Variants in P4HTM observed in about 807,000 individuals in gnomAD.
The protein encoded by P4HTM is transmembrane prolyl 4-hydroxylase.
A neutral mutation model predicts 55.3 loss-of-function variants in P4HTM; 33 were observed. The ratio of observed to expected loss-of-function variants is 0.60; its 90% CI spans 0.45 to 0.80. The LOEUF is 0.80. Among genes scored for constraint, P4HTM ranks in the 30% least tolerant of loss-of-function variants. The probability of loss-of-function intolerance (pLI) is 0.00; values close to 1 mark genes in which losing one functional copy is unlikely to be tolerated. For missense variants in P4HTM, 542 were observed against 696.5 expected (o/e 0.78, Z 2.50); for synonymous variants, 272 against 286.4 (o/e 0.95, Z 0.51).
rs1259141235 is a variant in P4HTM, at chr3:49,002,313, C to T, written c.628-187C>T. On this transcript the variant is annotated intron_variant, in intron 3 of 8. Transcript: ENST00000383729. This position sits in a 1 kb window ranked among gnomAD's most constrained non-coding sequence, Gnocchi z 4.4. ...GGCCTACGCCTCTTGACCCCCAGCCCCCGGCCTTCTCCTCAGATGCTCTGT... is the reference window on the plus strand; with the variant it reads ...GGCCTACGCCTCTTGACCCCCAGCCTCCGGCCTTCTCCTCAGATGCTCTGT... Among the ~76,000 whole-genome samples the T allele has an allele frequency of 6.6e-6, 1 of 152,278 alleles. No homozygotes were observed. The highest frequency in any genetic ancestry group is 6.5e-5 in the Admixed American group (1 of 15,294).
chr3:48,993,219 T>C (rs2092935935), intron 2 of P4HTM, among the ~76,000 whole-genome samples: 1 of 151,450 alleles, frequency 6.6e-6, no homozygotes, highest in South Asian at 2.1e-4. Context: ...GGAGAATCGC[T>C]TGAACCCAGG....
chr3:49,005,447 C>A, intron 6 of P4HTM: 1 of 1,378,126 alleles, frequency 7.3e-7, no homozygotes, highest in Non-Finnish European at 9.3e-7. Context: ...TGTTCTGGCC[C>A]AGCCCCTTCC....
chr3:48,990,613 G>T lies in P4HTM; in HGVS notation c.354+3G>T. On this transcript the variant is annotated splice_donor_region_variant and intron_variant, in intron 1 of 8. Coordinates refer to ENST00000383729, the MANE Select transcript of P4HTM (RefSeq NM_177939.3). This position sits in a 1 kb window ranked among gnomAD's most constrained non-coding sequence, Gnocchi z 7.2. ...TCACCCGGCTGGAGGGCATCAAGGT[G>T]AGGACCTCCCTGCCCCGCCGCGCTC... The T allele has an allele frequency of 6.4e-7, 1 of 1,564,146 alleles. No homozygotes were observed. Among genetic ancestry groups the T allele is most frequent in the South Asian group, 1.2e-5 (1 of 86,486 alleles).
At chr3:49,000,876 G>A (rs2106660549) in intron 2 of P4HTM, among the ~76,000 whole-genome samples, 1 of 152,304 alleles carries the variant, frequency 6.6e-6, no homozygotes, top group East Asian at 1.9e-4. Context: ...CCCAAAACCT[G>A]AGTAACCCTC....
chr3:49,001,232 T>C, intron 2 of P4HTM: 1 of 605,150 alleles, frequency 1.7e-6, no homozygotes, highest in East Asian at 2.9e-5. Context: ...TCAAGAGAGG[T>C]CCCACATTTC....
chr3:49,000,211 G>T (rs1401788720), intron 2 of P4HTM, among the ~76,000 whole-genome samples: 1 of 152,106 alleles, frequency 6.6e-6, no homozygotes, highest in East Asian at 1.9e-4. Context: ...CAGTGCCTTG[G>T]GCAGAGTCTG....
At chr3:49,003,907 T>C in intron 4 of P4HTM, 191 bp from the exon 5 acceptor site, 1 of 585,770 alleles carries the variant, frequency 1.7e-6, no homozygotes, top group African/African-American at 1.9e-5. Context: ...TGGGTCTTCC[T>C]GTAAGGCCTG....
chr3:48,990,714 G>C lies in P4HTM; in HGVS notation c.354+104G>C, dbSNP rs2092928571. 2 of 1,471,960 alleles carry C rather than the reference G, an allele frequency of 1.4e-6. No individual in the cohort carries two copies. Among genetic ancestry groups the C allele is most frequent in the Non-Finnish European group, 1.8e-6 (2 of 1,095,036 alleles). The allele number at this position is 1,471,960 out of a possible 1,614,324, so 91.2% of individuals were successfully genotyped here. ...CACGCTGCCCCCGGCGCTGCTCTGC[G>C]TCGGTCCCGCGCGCTCCCACTCACT... is the stretch of plus-strand genomic sequence containing the variant. On this transcript the variant is annotated intron_variant, in intron 1 of 8. Transcript: ENST00000383729. The surrounding 1 kb of genome is among the most constrained non-coding windows in gnomAD (Gnocchi z 7.2).
At chr3:48,991,959 T>C (rs2092932349) in intron 2 of P4HTM, 1 of 152,188 alleles carries the variant, frequency 6.6e-6, no homozygotes, top group Non-Finnish European at 1.5e-5. Flanking sequence ...AGGGTCCTGG[T>C]TGGGGATTAT....
At chr3:48,993,345 T>C (rs1576602964) in intron 2 of P4HTM, among the ~76,000 whole-genome samples, 1 of 148,014 alleles carries the variant, frequency 6.8e-6, no homozygotes, top group Non-Finnish European at 1.5e-5. Flanking sequence ...GTGGGAAGTA[T>C]GGGATAAAGC....
intron 5 of P4HTM, 103 bp downstream of exon 5, chr3:49,004,363 A>G: frequency 1.7e-6 from 2 of 1,181,244 alleles, no homozygotes; most frequent in Non-Finnish European, 2.3e-6. Context: ...GGATTAACCC[A>G]TTTGGGATTA....
At chr3:49,005,170 G>T (rs567293554) in intron 6 of P4HTM, 124 bp downstream of exon 6, 2 of 1,601,408 alleles carry the variant, frequency 1.2e-6, no homozygotes, top group Non-Finnish European at 1.7e-6. Flanking sequence ...GGGTTATCCC[G>T]GTTAGTGATG....
In P4HTM at chr3:48,990,424, C is replaced by T; in HGVS notation, c.168C>T (p.Cys56=). Reference sequence around the variant, plus strand: ...CGCTGTGCAAGCCCCGCGGCATCTGCTCGCGCGCCTACTTCCTGGTGCTGA... The same window carrying T: ...CGCTGTGCAAGCCCCGCGGCATCTGTTCGCGCGCCTACTTCCTGGTGCTGA... The part of the protein sequence containing the change: ...VRPLCKPRGI[C]SRAYFLVLMV... Residue 56 remains cysteine (C), a synonymous_variant, in exon 1 of 9, where the codon TGC becomes TGT. Transcript: ENST00000383729. The surrounding 1 kb of genome is among the most constrained non-coding windows in gnomAD (Gnocchi z 7.2). 1 of 1,606,940 alleles carries T rather than the reference C, an allele frequency of 6.2e-7. No individual in the cohort carries two copies. The highest frequency in any genetic ancestry group is 8.5e-7 in the Non-Finnish European group (1 of 1,178,878).
rs747511805 is a variant in P4HTM at position 49,001,420 on chromosome 3, C to CA, written c.437-17dup. On this transcript the variant is annotated splice_polypyrimidine_tract_variant and intron_variant, in intron 2 of 8. Transcript: ENST00000383729. ...CCCTGGCTCAGTCCTTGGCCTCACC[C>CA]ACCTCCTCTTCTGGCAGAAATCCCC... 1.9e-6 allele frequency: 3 copies of CA among 1,613,352 alleles called. No homozygotes were observed. In the South Asian group the frequency reaches 3.3e-5, roughly 18 times the overall value.
intron 2 of P4HTM, among the ~76,000 whole-genome samples, chr3:48,995,494 G>T (rs2092942893): frequency 6.6e-6 from 1 of 152,144 alleles, no homozygotes; most frequent in Non-Finnish European, 1.5e-5. Context: ...TGTGTCATTT[G>T]TACCTCTGCC....
chr3:49,000,547 G>A lies in P4HTM; in HGVS notation c.437-891G>A, dbSNP rs988386064. Among the ~76,000 whole-genome samples the A allele has an allele frequency of 7.2e-5, 11 of 152,274 alleles. No homozygotes were observed. In the East Asian group the frequency reaches 1.2e-3, roughly 16 times the overall value. On this transcript the variant is annotated intron_variant, in intron 2 of 8. Coordinates refer to ENST00000383729, the MANE Select transcript of P4HTM (RefSeq NM_177939.3). ...CCCTTCCTCCAGTCAGCTCCTCTGCGTGCTTCTTGTCCTCCAGTGAAGACC... is the reference window on the plus strand; with the variant it reads ...CCCTTCCTCCAGTCAGCTCCTCTGCATGCTTCTTGTCCTCCAGTGAAGACC...
At chr3:49,004,448 C>A in intron 5 of P4HTM, 188 bp downstream of exon 5, 1 of 613,312 alleles carries the variant, frequency 1.6e-6, no homozygotes, top group Non-Finnish European at 2.8e-6. Flanking sequence ...GCCCTCCTTG[C>A]AGGCACACAA....
upstream of P4HTM, chr3:48,990,094 G>T: frequency 1.8e-6 from 1 of 567,240 alleles, no homozygotes; most frequent in Non-Finnish European, 2.3e-6. The surrounding 1 kb of genome is among the most constrained non-coding windows in gnomAD (Gnocchi z 7.2). Context: ...CAGGAAGGCC[G>T]AGCCCGGCGC....
In P4HTM at chr3:48,990,634, C is replaced by T. The variant is rs2092928226; in HGVS notation, c.354+24C>T. The T allele has an allele frequency of 6.5e-7, 1 of 1,529,536 alleles. No individual in the cohort carries two copies. 94.7% of individuals were successfully genotyped at this position (1,529,536 alleles called of 1,614,324 possible). ...AGGTGAGGACCTCCCTGCCCCGCCGCGCTCCAGGCCCTGCACGGCTGAGCC... is the reference window on the plus strand; with the variant it reads ...AGGTGAGGACCTCCCTGCCCCGCCGTGCTCCAGGCCCTGCACGGCTGAGCC... On this transcript the variant is annotated intron_variant, in intron 1 of 8. Coordinates refer to ENST00000383729, the MANE Select transcript of P4HTM (RefSeq NM_177939.3). The surrounding 1 kb of genome is among the most constrained non-coding windows in gnomAD (Gnocchi z 7.2).
Sources: allele counts gnomAD v4.1 joint callset (sites outside exome capture counted in the v4.1 genomes callset), GRCh38; gene constraint gnomAD v4.1.1; non-coding constraint Gnocchi (gnomAD v3.1); transcripts MANE v1.5; gene names NCBI Gene and HGNC (gene_info 2026-07-23, HGNC 2026-07-21).